Variants in ITCH observed in about 807,000 individuals in gnomAD.
ITCH encodes the protein E3 ubiquitin-protein ligase Itchy homolog.
ITCH carries 28 observed loss-of-function variants against 126.8 expected under a neutral mutation model. The observed-to-expected ratio is 0.22, with a 90% CI of 0.16 to 0.30. ITCH has a LOEUF of 0.30. Ranked by LOEUF, ITCH falls within the 10% of genes least tolerant of loss-of-function variation. The probability of loss-of-function intolerance (pLI) is 1.00; values close to 1 mark genes in which losing one functional copy is unlikely to be tolerated. For missense variants in ITCH, 631 were observed against 1,032.4 expected (o/e 0.61, Z 5.33); for synonymous variants, 342 against 340.0 (o/e 1.01, Z -0.06).
chr20:34,465,618 G>A (rs972231402), intron 14 of ITCH, among the ~76,000 whole-genome samples: 1 of 152,000 alleles, frequency 6.6e-6, no homozygotes, highest in African/African-American at 2.4e-5. Flanking sequence ...TTCAGTGTAC[G>A]AGTCTTTTGC....
intron 20 of ITCH, among the ~76,000 whole-genome samples, chr20:34,485,788 TC>T (rs1989063607): frequency 6.6e-6 from 1 of 151,964 alleles, no homozygotes; most frequent in Admixed American, 6.6e-5. Flanking sequence ...GATCAAAGGA[TC>T]CCCCTGCCTC....
At chr20:34,378,679 A>C (rs2037941697) in intron 2 of ITCH, among the ~76,000 whole-genome samples, 1 of 152,038 alleles carries the variant, frequency 6.6e-6, no homozygotes, top group South Asian at 2.1e-4. Context: ...TTATTTTTGA[A>C]GGATGGTCTA....
At chr20:34,437,122 C>T (rs1983109549) in intron 7 of ITCH, among the ~76,000 whole-genome samples, 1 of 151,068 alleles carries the variant, frequency 6.6e-6, no homozygotes, top group Non-Finnish European at 1.5e-5. Context: ...GAATGAGACG[C>T]TGTCTCAAAA....
chr20:34,461,104 G>T (rs1041003111), intron 13 of ITCH, among the ~76,000 whole-genome samples: 2 of 152,122 alleles, frequency 1.3e-5, no homozygotes, highest in South Asian at 4.1e-4. Context: ...TCATTTGGAG[G>T]TGTGGCAGAT....
chr20:34,406,633 C>G (rs779939166), intron 3 of ITCH, among the ~76,000 whole-genome samples: 23 of 151,336 alleles, frequency 1.5e-4, no homozygotes, highest in Non-Finnish European at 1.5e-5. Context: ...CTCCCAGGTT[C>G]ACACCATTCT....
At chr20:34,383,282 G>A (rs1268512945) in intron 2 of ITCH, among the ~76,000 whole-genome samples, 3 of 151,460 alleles carry the variant, frequency 2.0e-5, no homozygotes, top group Non-Finnish European at 2.9e-5. Flanking sequence ...GGTCTCAAGC[G>A]ACCCTCCTAC....
chr20:34,454,817 G>GTTTTTTTTTTTTTT (rs200486269), intron 12 of ITCH, among the ~76,000 whole-genome samples: 1 of 109,558 alleles, frequency 9.1e-6, no homozygotes, highest in African/African-American at 3.8e-5. Flanking sequence ...TTCTTTTCCT[G>GTTTTTTTTTTTTTT]TTTTTTTTTT....
At chr20:34,442,706 G>A (rs998398588) in intron 10 of ITCH, among the ~76,000 whole-genome samples, 1 of 149,982 alleles carries the variant, frequency 6.7e-6, no homozygotes, top group Admixed American at 6.6e-5. Context: ...GGGCGCAGTG[G>A]CTCACGCCTG....
At chr20:34,462,868 T>C (rs1159362940) in intron 14 of ITCH, among the ~76,000 whole-genome samples, 1 of 152,258 alleles carries the variant, frequency 6.6e-6, no homozygotes, top group Non-Finnish European at 1.5e-5. Context: ...TTTATGCTTA[T>C]GTTTCTGGAT....
chr20:34,368,194 T>C (rs2037489128), intron 1 of ITCH, among the ~76,000 whole-genome samples: 2 of 151,320 alleles, frequency 1.3e-5, no homozygotes, highest in Non-Finnish European at 2.9e-5. Context: ...CACTTGAACC[T>C]GGGAGGCGGA....
chr20:34,404,709 G>A (rs765022905), intron 3 of ITCH, among the ~76,000 whole-genome samples: 29 of 152,084 alleles, frequency 1.9e-4, no homozygotes, highest in East Asian at 3.9e-4. Flanking sequence ...CACCACGTTC[G>A]GCCGCTTCTC....
At chr20:34,373,362 G>A (rs1329888020) in intron 2 of ITCH, among the ~76,000 whole-genome samples, 1 of 150,578 alleles carries the variant, frequency 6.6e-6, no homozygotes, top group Non-Finnish European at 1.5e-5. Context: ...TGCAACCTCC[G>A]TTTCCTGGGT....
intron 6 of ITCH, among the ~76,000 whole-genome samples, chr20:34,415,888 C>T (rs1460195119): frequency 6.6e-6 from 1 of 152,000 alleles, no homozygotes; most frequent in Non-Finnish European, 1.5e-5. Flanking sequence ...CTTTGGGAGG[C>T]CGAGGTGGGC....
At chr20:34,439,274 T>G (rs1416534085) in intron 8 of ITCH, among the ~76,000 whole-genome samples, 1 of 152,168 alleles carries the variant, frequency 6.6e-6, no homozygotes, top group Non-Finnish European at 1.5e-5. Flanking sequence ...CATCTTCTCC[T>G]TTTTATTTTT....
intron 8 of ITCH, among the ~76,000 whole-genome samples, chr20:34,438,889 T>C (rs1281134138): frequency 6.6e-6 from 1 of 152,234 alleles, no homozygotes; most frequent in Non-Finnish European, 1.5e-5. Context: ...GCGGTGCAGA[T>C]AACATGGCAA....
In ITCH at chr20:34,480,601, T is replaced by A. The variant is rs780622395; in HGVS notation, c.1821T>A (p.Ala607=). The A allele has an allele frequency of 2.1e-5, 34 of 1,613,840 alleles. No individual in the cohort carries two copies. The East Asian group carries it at 7.6e-4, about 36-fold the overall frequency. The change falls in exon 19 of 25, where the codon GCT becomes GCA. Residue 607 remains alanine, a splice_region_variant and synonymous_variant. Transcript: ENST00000374864. The part of the protein sequence containing the change: ...FRFIGRFIAM[A]LFHGKFIDTG... Reference sequence around the variant, plus strand: ...GGTCTTGTTTCCTTTTTTCATAGGCTCTGTTCCATGGGAAATTCATAGACA... The same window carrying A: ...GGTCTTGTTTCCTTTTTTCATAGGCACTGTTCCATGGGAAATTCATAGACA...
chr20:34,503,870 G>GTTTTTTTTTGTTT (rs1990433881), intron 23 of ITCH, among the ~76,000 whole-genome samples: 1 of 56,052 alleles, frequency 1.8e-5, no homozygotes, highest in Non-Finnish European at 3.8e-5. Context: ...TTTTTTTTTG[G>GTTTTTTTTTGTTT]TTTTTTTTTT....
chr20:34,401,924 T>C (rs2038900452), intron 3 of ITCH, among the ~76,000 whole-genome samples: 1 of 152,142 alleles, frequency 6.6e-6, no homozygotes, highest in Non-Finnish European at 1.5e-5. Flanking sequence ...ATCACTTTTC[T>C]GACAATATAC....
At chr20:34,476,460 C>G (rs1253755206) in intron 16 of ITCH, 1 of 1,216,734 alleles carries the variant, frequency 8.2e-7, no homozygotes, top group African/African-American at 1.6e-5. Context: ...GCCGGGCGCC[C>G]CCAGCGGCAG....
Sources: allele counts gnomAD v4.1 joint callset (sites outside exome capture counted in the v4.1 genomes callset), GRCh38; gene constraint gnomAD v4.1.1; transcripts MANE v1.5; gene names NCBI Gene and HGNC (gene_info 2026-07-23, HGNC 2026-07-21).